Variants in KAZN observed in about 807,000 individuals in gnomAD.
KAZN encodes kazrin.
KAZN carries 40 observed loss-of-function variants against 87.4 expected under a neutral mutation model. The observed-to-expected ratio is 0.46, with a 90% confidence interval of 0.36 to 0.60. The LOEUF (loss-of-function observed/expected upper bound fraction) is 0.60, where lower values mean the gene tolerates loss of function less well. KAZN is among the 20% of genes least tolerant of loss of function. KAZN has a pLI of 0.00. For missense variants in KAZN, 898 were observed against 1,073.9 expected (o/e 0.84, Z 2.29); for synonymous variants, 466 against 458.3 (o/e 1.02, Z -0.22).
chr1:14,879,949 G>A (rs1458143797), intron 1 of KAZN, among the ~76,000 whole-genome samples: 1 of 152,182 alleles, frequency 6.6e-6, no homozygotes, highest in African/African-American at 2.4e-5. Context: ...ACAAGGAAAA[G>A]AAGGCTCACA....
intron 2 of KAZN, among the ~76,000 whole-genome samples, chr1:15,027,523 G>A (rs1459084309): frequency 6.6e-6 from 1 of 152,210 alleles, no homozygotes; most frequent in African/African-American, 2.4e-5. Context: ...AGAACTCCGA[G>A]AGCCTCACAT....
chr1:14,732,375 A>T (rs1572346474), intron 1 of KAZN, among the ~76,000 whole-genome samples: 1 of 152,244 alleles, frequency 6.6e-6, no homozygotes, highest in African/African-American at 2.4e-5. Context: ...GCAATGGCTC[A>T]TGCCTGTAAT....
At chr1:14,422,341 C>A (rs182936132) in intron 2 of KAZN, among the ~76,000 whole-genome samples, 1 of 152,288 alleles carries the variant, frequency 6.6e-6, no homozygotes, top group East Asian at 1.9e-4. Flanking sequence ...ATCCTTGCAA[C>A]AAGCCCAGTG....
At chr1:14,737,173 A>ATCC (rs1643933704) in intron 1 of KAZN, among the ~76,000 whole-genome samples, 2 of 152,136 alleles carry the variant, frequency 1.3e-5, no homozygotes, top group Admixed American at 6.5e-5. Context: ...GATCAACGAG[A>ATCC]GCAGTGTGGA....
intron 1 of KAZN, among the ~76,000 whole-genome samples, chr1:14,114,188 A>T (rs543350448): frequency 1.3e-5 from 2 of 152,218 alleles, no homozygotes; most frequent in African/African-American, 2.4e-5. Flanking sequence ...CTGGTTCTTC[A>T]GGGCCACAGC....
rs561703114 is a variant in KAZN, at chr1:14,927,083, A to G, written c.227-33601A>G. Among the ~76,000 whole-genome samples, 423 of 152,312 alleles carry G rather than the reference A, an allele frequency of 2.8e-3. 3 individuals are homozygous for G. Among genetic ancestry groups the G allele is most frequent in the South Asian group, 0.014 (69 of 4,826 alleles). The stretch of plus-strand genomic sequence containing the variant: ...GACAGTGGATGTTTGCACAATCCGC[A>G]CCTGCTTCTGCCTCGATTGCGTTTT... On this transcript the variant is annotated intron_variant, in intron 1 of 14. Transcript: ENST00000376030.
intron 1 of KAZN, among the ~76,000 whole-genome samples, chr1:14,055,436 C>T (rs1642507838): frequency 6.6e-6 from 1 of 152,166 alleles, no homozygotes; most frequent in Admixed American, 6.5e-5. Flanking sequence ...GGATATAAGA[C>T]ACACGCATGT....
At chr1:14,741,751 G>C (rs1427304212) in intron 1 of KAZN, among the ~76,000 whole-genome samples, 1 of 152,086 alleles carries the variant, frequency 6.6e-6, no homozygotes, top group East Asian at 1.9e-4. Context: ...TTCCAGAATG[G>C]CCCCTTGAAG....
At chr1:14,029,794 G>A (rs1048737573) in intron 1 of KAZN, among the ~76,000 whole-genome samples, 2 of 151,926 alleles carry the variant, frequency 1.3e-5, no homozygotes, top group African/African-American at 4.8e-5. Flanking sequence ...TAGATATGTG[G>A]CGTTATTTCT....
chr1:14,046,255 A>T (rs539298835), intron 1 of KAZN, among the ~76,000 whole-genome samples: 105 of 152,286 alleles, frequency 6.9e-4, no homozygotes, highest in African/African-American at 2.3e-3. Context: ...TTAATTTAAA[A>T]TCCTAATCCC....
At chr1:14,133,592 A>G (rs1645045238) in intron 1 of KAZN, among the ~76,000 whole-genome samples, 2 of 152,074 alleles carry the variant, frequency 1.3e-5, no homozygotes, top group Non-Finnish European at 2.9e-5. Flanking sequence ...CCTCTGTGGA[A>G]GCAGCCCCAC....
intron 1 of KAZN, among the ~76,000 whole-genome samples, chr1:14,757,113 A>T (rs1053028821): frequency 3.9e-5 from 6 of 152,114 alleles, no homozygotes; most frequent in African/African-American, 1.4e-4. Flanking sequence ...AAGGCCAGTG[A>T]CTCTGCTCTG....
intron 2 of KAZN, among the ~76,000 whole-genome samples, chr1:14,968,264 G>A (rs1217343721): frequency 1.3e-5 from 2 of 152,078 alleles, no homozygotes; most frequent in Non-Finnish European, 2.9e-5. Flanking sequence ...TCACAAGAGG[G>A]TTCGTGCTCC....
intron 1 of KAZN, among the ~76,000 whole-genome samples, chr1:13,917,145 T>A (rs935961820): frequency 3.3e-5 from 5 of 152,230 alleles, no homozygotes; most frequent in Admixed American, 2.6e-4. Flanking sequence ...TTCATTTGTT[T>A]AATGTAAAGT....
At chr1:14,260,993 A>G (rs1455860592) in intron 2 of KAZN, among the ~76,000 whole-genome samples, 1 of 152,218 alleles carries the variant, frequency 6.6e-6, no homozygotes, top group Non-Finnish European at 1.5e-5. Context: ...TACTCTTTAC[A>G]TGTGAACACA....
intron 2 of KAZN, among the ~76,000 whole-genome samples, chr1:14,565,134 G>T (rs1674481890): frequency 6.6e-6 from 1 of 152,120 alleles, no homozygotes. Flanking sequence ...GAGACCCCTA[G>T]GTATCTTCCC....
intron 2 of KAZN, among the ~76,000 whole-genome samples, chr1:14,969,638 T>C (rs1664808181): frequency 1.3e-5 from 2 of 152,230 alleles, no homozygotes; most frequent in South Asian, 4.1e-4. Flanking sequence ...CTCCACATTT[T>C]GATCCAGTTG....
At chr1:13,997,450 T>G (rs986108207) in intron 1 of KAZN, among the ~76,000 whole-genome samples, 3 of 151,948 alleles carry the variant, frequency 2.0e-5, no homozygotes, top group African/African-American at 7.3e-5. Flanking sequence ...TCTAACCTGA[T>G]GCAAAGAAGC....
At chr1:14,620,811 C>A (rs554896204) in intron 1 of KAZN, among the ~76,000 whole-genome samples, 70 of 152,328 alleles carry the variant, frequency 4.6e-4, no homozygotes, top group Admixed American at 9.8e-4. Flanking sequence ...ATAATAGAAG[C>A]ATCTGCATTT....
Sources: allele counts gnomAD v4.1 joint callset (sites outside exome capture counted in the v4.1 genomes callset), GRCh38; gene constraint gnomAD v4.1.1; transcripts MANE v1.5; gene names NCBI Gene and HGNC (gene_info 2026-07-23, HGNC 2026-07-21).